The following CBFA2T2 variants were observed in gnomAD, a reference collection of about 807,000 sequenced individuals.
The protein encoded by CBFA2T2 is CBFA2/RUNX1 partner transcriptional co-repressor 2, also known as protein CBFA2T2.
A neutral mutation model predicts 62.2 loss-of-function variants in CBFA2T2; 11 were observed. The observed-to-expected ratio is 0.18, with a 90% CI of 0.11 to 0.29. The LOEUF (loss-of-function observed/expected upper bound fraction) is 0.29, where lower values mean the gene tolerates loss of function less well. Ranked by LOEUF, CBFA2T2 falls within the 10% of genes least tolerant of loss-of-function variation. The pLI is 1.00. For missense variants in CBFA2T2, 592 were observed against 774.1 expected, an observed-to-expected ratio of 0.76 and a Z score of 2.79; for synonymous variants, 295 against 287.5, an observed-to-expected ratio of 1.03 and a Z score of -0.27.
intron 1 of CBFA2T2, among the ~76,000 whole-genome samples, chr20:33,536,073 C>T (rs972844399): frequency 6.6e-6 from 1 of 152,248 alleles, no homozygotes; most frequent in African/African-American, 2.4e-5. Context: ...CTACTTCTTT[C>T]TACACAGACA....
At chr20:33,625,502 A>G (rs912625095) in intron 6 of CBFA2T2, among the ~76,000 whole-genome samples, 8 of 152,258 alleles carry the variant, frequency 5.3e-5, no homozygotes, top group Non-Finnish European at 1.2e-4. Flanking sequence ...ATAAAGGGGT[A>G]TCGCCTATTC....
chr20:33,603,851 G>C (rs1043114950), intron 1 of CBFA2T2, among the ~76,000 whole-genome samples: 2 of 152,164 alleles, frequency 1.3e-5, no homozygotes, highest in Non-Finnish European at 2.9e-5. Flanking sequence ...ACCATAACTA[G>C]GATGACATAA....
Position 33,490,182 on chromosome 20 carries a change from C to T in CBFA2T2, c.-86C>T. On this transcript the variant is annotated 5_prime_UTR_variant, in exon 1 of 11. Coordinates refer to ENST00000342704, the MANE Select transcript of CBFA2T2 (RefSeq NM_001032999.3). ...TCTCGCGGCGACGCCTGCGAGGGAC[C>T]CGGGCCGCGGGTCGAGGCGGGCGGC... 8.4e-7 allele frequency: 1 copy of T among 1,190,548 alleles called. No individual in the cohort carries two copies. Among genetic ancestry groups the T allele is most frequent in the Non-Finnish European group, 1.0e-6 (1 of 959,596 alleles). 73.7% of individuals were successfully genotyped at this position (1,190,548 alleles called of 1,614,324 possible).
rs535431917 is a variant in CBFA2T2 at position 33,549,087 on chromosome 20, T to G, written c.35-57869T>G. ...TAGAAGAACATATAGGTGCATATTC[T>G]TATAATCTGGGACGAGGAAAATCTA... is the stretch of plus-strand genomic sequence containing the variant. On this transcript the variant is annotated intron_variant, in intron 1 of 10. Coordinates refer to ENST00000342704, the MANE Select transcript of CBFA2T2 (RefSeq NM_001032999.3). Among the ~76,000 whole-genome samples, 4 of 152,324 alleles carry G rather than the reference T, an allele frequency of 2.6e-5. No individual in the cohort carries two copies. The South Asian group carries it at 8.3e-4, about 32-fold the overall frequency.
chr20:33,618,551 G>T (rs558795478), intron 3 of CBFA2T2: 1 of 152,322 alleles, frequency 6.6e-6, no homozygotes, highest in African/African-American at 2.4e-5. Flanking sequence ...ATGGGGGTTT[G>T]CCGGTTGGGA....
chr20:33,587,729 C>T (rs1226175816), intron 1 of CBFA2T2, among the ~76,000 whole-genome samples: 1 of 152,212 alleles, frequency 6.6e-6, no homozygotes, highest in Non-Finnish European at 1.5e-5. Flanking sequence ...ATTTTCTTAA[C>T]TGGACCTATG....
intron 1 of CBFA2T2, among the ~76,000 whole-genome samples, chr20:33,525,211 G>C (rs1444791116): frequency 6.7e-6 from 1 of 148,242 alleles, no homozygotes; most frequent in African/African-American, 2.5e-5. Context: ...TTGAGACAGA[G>C]TTTGGCTCTT....
intron 1 of CBFA2T2, among the ~76,000 whole-genome samples, chr20:33,588,647 C>T (rs1486902496): frequency 1.3e-5 from 2 of 152,086 alleles, no homozygotes; most frequent in Non-Finnish European, 2.9e-5. Flanking sequence ...GATAGTTCAA[C>T]ATTAAGAAGC....
chr20:33,547,153 T>C (rs940049704), intron 1 of CBFA2T2, among the ~76,000 whole-genome samples: 8 of 152,150 alleles, frequency 5.3e-5, no homozygotes, highest in Admixed American at 4.6e-4. Context: ...TGAGCCGAGA[T>C]TGTGCAGTTG....
chr20:33,642,517 G>A (rs192921062), intron 10 of CBFA2T2, among the ~76,000 whole-genome samples: 2 of 152,052 alleles, frequency 1.3e-5, no homozygotes, highest in East Asian at 1.9e-4. Context: ...GGGGCAGGAG[G>A]ATCGCTTGAG....
chr20:33,492,283 T>G (rs1462499145), intron 1 of CBFA2T2, among the ~76,000 whole-genome samples: 10 of 151,994 alleles, frequency 6.6e-5, no homozygotes, highest in Non-Finnish European at 1.2e-4. Flanking sequence ...CCTCCCAAAG[T>G]GCTGGGATTA....
At chr20:33,525,377 G>T (rs985445297) in intron 1 of CBFA2T2, among the ~76,000 whole-genome samples, 1 of 150,708 alleles carries the variant, frequency 6.6e-6, no homozygotes, top group Non-Finnish European at 1.5e-5. Context: ...GTAGAGATGG[G>T]GTTTCTCCAT....
At chr20:33,631,398 C>T (rs1006975209) in intron 8 of CBFA2T2, among the ~76,000 whole-genome samples, 9 of 152,194 alleles carry the variant, frequency 5.9e-5, no homozygotes, top group Non-Finnish European at 1.3e-4. Context: ...GATCCCTGTG[C>T]GACTTTCGGA....
At chr20:33,567,364 G>A (rs944943042) in intron 1 of CBFA2T2, among the ~76,000 whole-genome samples, 9 of 152,110 alleles carry the variant, frequency 5.9e-5, no homozygotes, top group Non-Finnish European at 1.0e-4. Context: ...GTTGTCTCTC[G>A]TAGCTGGAGC....
chr20:33,519,607 G>A (rs183272910), intron 1 of CBFA2T2, among the ~76,000 whole-genome samples: 6 of 152,294 alleles, frequency 3.9e-5, no homozygotes, highest in East Asian at 1.9e-4. Flanking sequence ...CCAGTCTACC[G>A]TGGATACTCA....
At chr20:33,566,849 T>C (rs867629767) in intron 1 of CBFA2T2, among the ~76,000 whole-genome samples, 4 of 152,242 alleles carry the variant, frequency 2.6e-5, no homozygotes, top group African/African-American at 4.8e-5. Context: ...TTTTGAAGTA[T>C]GTCTAGCTGT....
intron 1 of CBFA2T2, among the ~76,000 whole-genome samples, chr20:33,523,520 A>G (rs1279411670): frequency 6.6e-6 from 1 of 152,162 alleles, no homozygotes; most frequent in Non-Finnish European, 1.5e-5. Flanking sequence ...TCTTATCTAG[A>G]TGAGAGAGGT....
chr20:33,530,693 G>T (rs867608087), intron 1 of CBFA2T2, among the ~76,000 whole-genome samples: 1 of 152,144 alleles, frequency 6.6e-6, no homozygotes, highest in East Asian at 2.0e-4. Flanking sequence ...GATTACAGGC[G>T]TGAGCCACTG....
intron 1 of CBFA2T2, among the ~76,000 whole-genome samples, chr20:33,575,922 C>T (rs1367237697): frequency 6.6e-6 from 1 of 151,916 alleles, no homozygotes; most frequent in Non-Finnish European, 1.5e-5. Context: ...GGACTACAGG[C>T]GCCAGCCACC....
Sources: allele counts gnomAD v4.1 joint callset (sites outside exome capture counted in the v4.1 genomes callset), GRCh38; gene constraint gnomAD v4.1.1; transcripts MANE v1.5; gene names NCBI Gene and HGNC (gene_info 2026-07-23, HGNC 2026-07-21).